Variants in LRRTM4 observed in about 807,000 individuals in gnomAD.
LRRTM4 encodes the protein leucine rich repeat transmembrane neuronal 4.
In LRRTM4, 25 loss-of-function variants were observed where a neutral mutation model predicts 47.6. The ratio of observed to expected loss-of-function variants is 0.53; its 90% CI spans 0.38 to 0.73. The LOEUF (loss-of-function observed/expected upper bound fraction) is 0.73, where lower values mean the gene tolerates loss of function less well. LRRTM4 is among the 30% of genes least tolerant of loss of function. The probability of loss-of-function intolerance (pLI) is 0.00; values close to 1 mark genes in which losing one functional copy is unlikely to be tolerated. For synonymous variants in LRRTM4, 311 were observed against 269.5 expected, an observed-to-expected ratio of 1.15 and a Z score of -1.51; for missense variants, 638 against 713.4, an observed-to-expected ratio of 0.89 and a Z score of 1.20.
At chr2:77,391,705 C>T (rs1457628317) in intron 3 of LRRTM4, among the ~76,000 whole-genome samples, 1 of 151,842 alleles carries the variant, frequency 6.6e-6, no homozygotes, top group Non-Finnish European at 1.5e-5. Flanking sequence ...CTGAATGGAC[C>T]ACCCCTCTCA....
chr2:77,217,960 A>G (rs1157773137), intron 3 of LRRTM4, among the ~76,000 whole-genome samples: 2 of 152,150 alleles, frequency 1.3e-5, no homozygotes, highest in Non-Finnish European at 2.9e-5. Context: ...ATAAATATTC[A>G]TTAAACAAAA....
intron 3 of LRRTM4, among the ~76,000 whole-genome samples, chr2:77,161,537 G>T (rs887391905): frequency 6.6e-6 from 1 of 152,056 alleles, no homozygotes; most frequent in Admixed American, 6.6e-5. Flanking sequence ...GCAAAAACCT[G>T]GTCAGGTGGT....
chr2:77,485,322 G>A (rs572493150), intron 3 of LRRTM4, among the ~76,000 whole-genome samples: 17 of 152,228 alleles, frequency 1.1e-4, no homozygotes, highest in African/African-American at 3.9e-4. Context: ...CAAAGTCACA[G>A]GGAAAACTGA....
At chr2:76,785,444 G>A (rs1674622803) in intron 3 of LRRTM4, among the ~76,000 whole-genome samples, 2 of 152,108 alleles carry the variant, frequency 1.3e-5, no homozygotes, top group African/African-American at 4.8e-5. Flanking sequence ...CACATTTAAT[G>A]AGAGTGAATT....
intron 3 of LRRTM4, among the ~76,000 whole-genome samples, chr2:77,362,565 C>G (rs1175455944): frequency 6.6e-6 from 1 of 152,146 alleles, no homozygotes; most frequent in African/African-American, 2.4e-5. Flanking sequence ...AGATATCATC[C>G]TAAAACTGAT....
At chr2:77,420,583 T>C (rs1041000388) in intron 3 of LRRTM4, among the ~76,000 whole-genome samples, 4 of 151,476 alleles carry the variant, frequency 2.6e-5, no homozygotes, top group African/African-American at 9.7e-5. Context: ...AAGCTATTCA[T>C]ACTGAAATGG....
At chr2:76,958,280 T>C (rs1425895879) in intron 3 of LRRTM4, among the ~76,000 whole-genome samples, 1 of 151,784 alleles carries the variant, frequency 6.6e-6, no homozygotes, top group Non-Finnish European at 1.5e-5. Context: ...AATAAAAAAC[T>C]ATGACAGAAA....
At chr2:77,189,417 T>C (rs1490392857) in intron 3 of LRRTM4, among the ~76,000 whole-genome samples, 19 of 152,174 alleles carry the variant, frequency 1.2e-4, no homozygotes, top group Admixed American at 1.2e-3. Context: ...CTAAACTTCC[T>C]ATACTGAGAT....
rs372272656 is a variant in LRRTM4, at chr2:77,250,902, G to A, written c.1551+267416C>T. 4.6e-5 allele frequency among the ~76,000 whole-genome samples: 7 copies of A among 152,134 alleles called. No homozygotes were observed. The South Asian group carries it at 1.2e-3, about 27-fold the overall frequency. The stretch of plus-strand genomic sequence containing the variant: ...GCAGATCACCTGAGGTGGGGAGTTC[G>A]AGACCAGTCTGACCAACATGGAGAA... On this transcript the variant is annotated intron_variant, in intron 3 of 3. Transcript: ENST00000409884.
intron 3 of LRRTM4, among the ~76,000 whole-genome samples, chr2:76,903,220 T>C (rs940035903): frequency 6.6e-6 from 1 of 151,112 alleles, no homozygotes; most frequent in Non-Finnish European, 1.5e-5. Context: ...AACAAACAAA[T>C]AAAAATAAAA....
intron 3 of LRRTM4, among the ~76,000 whole-genome samples, chr2:77,320,982 C>T (rs1455513111): frequency 6.6e-6 from 1 of 151,818 alleles, no homozygotes; most frequent in East Asian, 1.9e-4. Context: ...CTGAGATTTG[C>T]AAGTACACAT....
intron 3 of LRRTM4, among the ~76,000 whole-genome samples, chr2:77,425,017 T>G: frequency 6.6e-6 from 1 of 152,204 alleles, no homozygotes; most frequent in Non-Finnish European, 1.5e-5. Context: ...TTGAGGATGA[T>G]TAAGCATGGT....
rs532675888 is a variant in LRRTM4, at chr2:77,468,392, G to A, written c.1551+49926C>T. On this transcript the variant is annotated intron_variant, in intron 3 of 3. Coordinates refer to ENST00000409884, the MANE Select transcript of LRRTM4 (RefSeq NM_001134745.3). ...TTATAGAACATCATACACATTTCCT[G>A]TCTACAAGAAGACAAGAATGGGCAA... Among the ~76,000 whole-genome samples, 10 of 152,192 alleles carry A rather than the reference G, an allele frequency of 6.6e-5. No individual in the cohort carries two copies. The East Asian group carries it at 1.9e-3, about 29-fold the overall frequency.
At chr2:77,114,732 A>T (rs1671341290) in intron 3 of LRRTM4, among the ~76,000 whole-genome samples, 2 of 152,192 alleles carry the variant, frequency 1.3e-5, no homozygotes, top group Non-Finnish European at 2.9e-5. Context: ...ACATATTGGT[A>T]GGACCATGAT....
At chr2:76,848,384 G>A (rs1427652278) in intron 3 of LRRTM4, among the ~76,000 whole-genome samples, 1 of 151,600 alleles carries the variant, frequency 6.6e-6, no homozygotes, top group Non-Finnish European at 1.5e-5. Context: ...TTATTTTTTT[G>A]CATTAATTAA....
intron 3 of LRRTM4, among the ~76,000 whole-genome samples, chr2:77,051,912 A>G (rs1679445335): frequency 1.3e-5 from 2 of 152,158 alleles, no homozygotes; most frequent in African/African-American, 2.4e-5. Context: ...CTATGCTACT[A>G]TCTTCAGACA....
intron 3 of LRRTM4, among the ~76,000 whole-genome samples, chr2:77,160,701 CTACACTT>C (rs1672702686): frequency 1.3e-5 from 2 of 152,218 alleles, no homozygotes; most frequent in Admixed American, 6.5e-5. Flanking sequence ...ATAGACCAGT[CTACACTT>C]GCAAAAAAAC....
chr2:77,010,501 TACACACACACACACACACAC>T (rs34456976), intron 3 of LRRTM4, among the ~76,000 whole-genome samples: 10 of 139,836 alleles, frequency 7.2e-5, no homozygotes, highest in African/African-American at 1.6e-4. Context: ...TTGTATTGTT[TACACACACACACACACACAC>T]ACACACACAC....
intron 3 of LRRTM4, among the ~76,000 whole-genome samples, chr2:77,242,834 T>C (rs1675307458): frequency 6.6e-6 from 1 of 152,118 alleles, no homozygotes. Context: ...AATTTGAAAG[T>C]AGAATTACCC....
Sources: gnomAD v4.1 joint callset for allele counts (sites outside exome capture counted in the v4.1 genomes callset) on GRCh38, gnomAD v4.1.1 for gene constraint, MANE v1.5 for transcripts, NCBI Gene and HGNC (gene_info 2026-07-23, HGNC 2026-07-21) for gene names.